Variants in HECTD4 observed in about 807,000 individuals in gnomAD.
HECTD4 encodes HECT domain E3 ubiquitin protein ligase 4.
HECTD4 carries 114 observed loss-of-function variants against 471.5 expected under a neutral mutation model. The ratio of observed to expected loss-of-function variants is 0.24; its 90% CI spans 0.21 to 0.28. The LOEUF (loss-of-function observed/expected upper bound fraction) is 0.28. Ranked by LOEUF, HECTD4 falls within the 10% of genes least tolerant of loss-of-function variation. The pLI, the probability that HECTD4 is intolerant of heterozygous loss-of-function variation, is 1.00. For synonymous variants in HECTD4, 2,012 were observed against 2,256.0 expected, an observed-to-expected ratio of 0.89 and a Z score of 3.07; for missense variants, 3,866 against 5,651.5, an observed-to-expected ratio of 0.68 and a Z score of 10.13.
rs1367468309 is a variant in HECTD4 at position 112,228,684 on chromosome 12, G to A, written c.6647C>T (p.Thr2216Ile). ...RKTSQASDTLTIPLSRLCVPR... is the reference protein window; with the variant it reads ...RKTSQASDTLIIPLSRLCVPR... ...AACACAAAGTCTAGACAATGGAATA[G>A]TCAATGTGTCTGACGCTTGCGAAGT... Residue 2216 changes from threonine to isoleucine, a missense_variant, in exon 42 of 76, where the codon ACT becomes ATT. Thr to Ile is a moderately conservative substitution (Grantham distance 89, BLOSUM62 -1). Transcript: ENST00000682272. The surrounding 1 kb of genome is among the most constrained non-coding windows in gnomAD (Gnocchi z 4.9). 6.2e-7 allele frequency: 1 copy of A among 1,611,754 alleles called. No individual in the cohort carries two copies. The highest frequency in any genetic ancestry group is 8.5e-7 in the Non-Finnish European group (1 of 1,179,460).
Position 112,172,655 on chromosome 12 carries a change from GC to G in HECTD4, c.11785+15del, listed in dbSNP as rs2137009317. On this transcript the variant is annotated intron_variant, in intron 67 of 75. Transcript: ENST00000682272. ...CATCAGGCAGCAGGGGAGGGGATAGGCCCAGGGCCACATACTCAGGAGACAG... is the reference window on the plus strand; with the variant it reads ...CATCAGGCAGCAGGGGAGGGGATAGGCCAGGGCCACATACTCAGGAGACAG... 3 of 1,612,378 alleles carry G rather than the reference GC, an allele frequency of 1.9e-6. No individual in the cohort carries two copies. The East Asian group carries it at 6.7e-5, about 36-fold the overall frequency.
Position 112,247,056 on chromosome 12 carries a change from A to C in HECTD4, c.4358T>G (p.Val1453Gly). 1 of 1,607,184 alleles carries C rather than the reference A, an allele frequency of 6.2e-7. No homozygotes were observed. The highest frequency in any genetic ancestry group is 8.5e-7 in the Non-Finnish European group (1 of 1,177,182). ...TGAGGGTTTCTGAATAAGAGAATTC[A>C]CTTCTTGTAGGAACTTCTCCCTATA... ...LSLREKFLQEVNSLIQKPSHP... is the reference protein window; with the variant it reads ...LSLREKFLQEGNSLIQKPSHP... Residue 1453 changes from valine (V) to glycine (G), a missense_variant, in exon 29 of 76, where the codon GTG becomes GGG. Physicochemically the swap from Val to Gly is moderately radical, Grantham distance 109. This residue lies in a region of HECTD4 where 281 missense variants were observed against 499.9 expected (regional missense o/e 0.56). Coordinates refer to ENST00000682272, the MANE Select transcript of HECTD4 (RefSeq NM_001388303.1).
At chr12:112,258,434 T>C (rs2034072467) in intron 20 of HECTD4, 62 bp downstream of exon 20, 4 of 1,145,160 alleles carry the variant, frequency 3.5e-6, no homozygotes, top group African/African-American at 1.6e-5. Flanking sequence ...ATAAAAGGAG[T>C]ACTACGCTTT....
In HECTD4 at chr12:112,357,264, T is replaced by TA. The variant is rs1186734708; in HGVS notation, c.177+24687dup. Among the ~76,000 whole-genome samples the TA allele has an allele frequency of 8.0e-5, 12 of 150,782 alleles. No individual in the cohort carries two copies. The South Asian group carries it at 8.4e-4, about 11-fold the overall frequency. On this transcript the variant is annotated intron_variant, in intron 1 of 75. Coordinates refer to ENST00000682272, the MANE Select transcript of HECTD4 (RefSeq NM_001388303.1). The stretch of plus-strand genomic sequence containing the variant: ...GTAGCTAAAAGAGGAAAAGTCATAA[T>TA]AAAAAAAAAGTGGGGGTTGGGGGGA...
At chr12:112,283,763 G>A (rs2034692082) in intron 7 of HECTD4, among the ~76,000 whole-genome samples, 1 of 152,228 alleles carries the variant, frequency 6.6e-6, no homozygotes, top group South Asian at 2.1e-4. Context: ...GGCCCTGGCA[G>A]AGCAAGCCTG....
At chr12:112,175,972 C>A in intron 65 of HECTD4, 113 bp from the exon 66 acceptor site, 5 of 1,315,750 alleles carry the variant, frequency 3.8e-6, no homozygotes, top group Non-Finnish European at 4.2e-6. Context: ...CCATCTAATT[C>A]CCCTCTCCCT....
chr12:112,299,104 A>G (rs1410319643), intron 7 of HECTD4, among the ~76,000 whole-genome samples: 1 of 152,190 alleles, frequency 6.6e-6, no homozygotes, highest in Non-Finnish European at 1.5e-5. Context: ...AACATATGCA[A>G]AAAAGAGAAT....
chr12:112,294,147 C>A (rs1404720512), intron 7 of HECTD4, among the ~76,000 whole-genome samples: 5 of 152,074 alleles, frequency 3.3e-5, no homozygotes, highest in Non-Finnish European at 7.4e-5. Flanking sequence ...ACAGGCCATG[C>A]TAATTTTTTC....
At chr12:112,291,274 A>G (rs946577028) in intron 7 of HECTD4, among the ~76,000 whole-genome samples, 20 of 152,100 alleles carry the variant, frequency 1.3e-4, no homozygotes, top group Non-Finnish European at 4.4e-5. Flanking sequence ...TATTTGCTTC[A>G]TCTCTCCCAG....
intron 52 of HECTD4, among the ~76,000 whole-genome samples, chr12:112,207,608 AC>A (rs1167011851): frequency 6.6e-6 from 1 of 152,056 alleles, no homozygotes; most frequent in Non-Finnish European, 1.5e-5. Context: ...TGAACTGTTA[AC>A]CACCAGACCA....
intron 1 of HECTD4, among the ~76,000 whole-genome samples, chr12:112,361,764 C>G (rs1251349215): frequency 1.3e-5 from 2 of 152,190 alleles, no homozygotes; most frequent in African/African-American, 2.4e-5. Flanking sequence ...TTGTCACTGA[C>G]TCCATATACC....
chr12:112,358,186 G>A (rs367781801), intron 1 of HECTD4, among the ~76,000 whole-genome samples: 2 of 152,146 alleles, frequency 1.3e-5, no homozygotes, highest in East Asian at 1.9e-4. Context: ...CCTGGTGATA[G>A]AGCAAGATTC....
At chr12:112,288,126 C>T (rs764197815) in intron 7 of HECTD4, among the ~76,000 whole-genome samples, 3 of 145,890 alleles carry the variant, frequency 2.1e-5, no homozygotes, top group Non-Finnish European at 3.0e-5. Context: ...GCCAGGAGTT[C>T]GAGACCAGCC....
chr12:112,177,316 G>A (rs965530895), intron 64 of HECTD4, among the ~76,000 whole-genome samples: 4 of 151,306 alleles, frequency 2.6e-5, no homozygotes, highest in African/African-American at 7.3e-5. Context: ...TCACAGACCC[G>A]TATCTAAAGA....
At position 112,323,107 on chromosome 12, in the gene HECTD4, G is replaced by C. The variant is rs559385993; in HGVS notation, c.178-3365C>G. 200 of 200,672 alleles carry C rather than the reference G, an allele frequency of 1.0e-3. 3 individuals carry two copies. Among genetic ancestry groups the C allele is most frequent in the African/African-American group, 4.4e-3 (185 of 42,242 alleles). The allele number at this position is 200,672 out of a possible 1,614,324, so 12.4% of individuals were successfully genotyped here. ...CAAGAGCAAGTGTTGGCTGGGCGCG[G>C]TGGCTCATGCCTGTTATCCCAGCAC... On this transcript the variant is annotated intron_variant, in intron 1 of 75. Coordinates refer to ENST00000682272, the MANE Select transcript of HECTD4 (RefSeq NM_001388303.1).
intron 1 of HECTD4, among the ~76,000 whole-genome samples, chr12:112,330,752 AG>A (rs1427637425): frequency 6.6e-6 from 1 of 152,224 alleles, no homozygotes; most frequent in Admixed American, 6.5e-5. Flanking sequence ...TAATCCTCTT[AG>A]GGCTTACACC....
At chr12:112,330,347 T>G (rs770690345) in intron 1 of HECTD4, among the ~76,000 whole-genome samples, 1 of 152,148 alleles carries the variant, frequency 6.6e-6, no homozygotes, top group African/African-American at 2.4e-5. Flanking sequence ...TACATTTTAT[T>G]ATTAGGAGTA....
chr12:112,161,979 G>C lies in HECTD4; in HGVS notation c.*408C>G, dbSNP rs530076240. The C allele has an allele frequency of 1.2e-3, 194 of 160,252 alleles. No individual in the cohort carries two copies. Among genetic ancestry groups the C allele is most frequent in the African/African-American group, 4.3e-3 (180 of 41,818 alleles). The allele number at this position is 160,252 out of a possible 1,614,324, so 9.9% of individuals were successfully genotyped here. A position where few individuals can be genotyped will look rare whatever the true frequency, so the allele number is the denominator to read the frequency against. ...GGCTGGCCACAGGCTTGTCTGTGGA[G>C]GCGCTCTGCTGAAAGCACGAGCGCT... is the stretch of plus-strand genomic sequence containing the variant. On this transcript the variant is annotated 3_prime_UTR_variant, in exon 76 of 76. Transcript: ENST00000682272.
At chr12:112,357,751 C>G (rs2036369651) in intron 1 of HECTD4, among the ~76,000 whole-genome samples, 1 of 152,156 alleles carries the variant, frequency 6.6e-6, no homozygotes, top group South Asian at 2.1e-4. Context: ...ATTTCAGAAT[C>G]TTTATTATAC....
Sources: allele counts gnomAD v4.1 joint callset (sites outside exome capture counted in the v4.1 genomes callset), GRCh38; gene constraint gnomAD v4.1.1; regional missense constraint gnomAD v4.1.1; non-coding constraint Gnocchi (gnomAD v3.1); transcripts MANE v1.5; gene names NCBI Gene and HGNC (gene_info 2026-07-23, HGNC 2026-07-21).